Variants in TJP1 observed in about 807,000 individuals in gnomAD.
The protein encoded by TJP1 is tight junction protein ZO-1.
TJP1 carries 43 observed loss-of-function variants against 194.2 expected under a neutral mutation model. The ratio of observed to expected loss-of-function variants is 0.22; its 90% confidence interval spans 0.17 to 0.29. The LOEUF (loss-of-function observed/expected upper bound fraction) is 0.29, where lower values mean the gene tolerates loss of function less well. Among genes scored for constraint, TJP1 ranks in the 10% least tolerant of loss-of-function variants. The pLI is 1.00. For synonymous variants in TJP1, 801 were observed against 779.0 expected (o/e 1.03, Z -0.47); for missense variants, 1,971 against 2,185.7 (o/e 0.90, Z 1.96).
chr15:29,753,483 C>CAAAAAAAA (rs34221786), intron 8 of TJP1, among the ~76,000 whole-genome samples: 2 of 47,938 alleles, frequency 4.2e-5, no homozygotes, highest in South Asian at 1.6e-3. Flanking sequence ...GACTCTGTGT[C>CAAAAAAAA]AAAAAAAAAA....
At chr15:29,772,590 T>C (rs2046762344) in intron 3 of TJP1, among the ~76,000 whole-genome samples, 1 of 152,206 alleles carries the variant, frequency 6.6e-6, no homozygotes, top group East Asian at 1.9e-4. Flanking sequence ...TGTGTTTCTC[T>C]TTATCTTACT....
At chr15:29,787,098 C>T (rs933822846) in intron 2 of TJP1, among the ~76,000 whole-genome samples, 8 of 152,102 alleles carry the variant, frequency 5.3e-5, no homozygotes, top group Non-Finnish European at 1.0e-4. Context: ...GCTGCTTGAC[C>T]GATAAAATTC....
At chr15:29,866,999 C>T (rs571647978) in intron 2 of TJP1, among the ~76,000 whole-genome samples, 1 of 152,184 alleles carries the variant, frequency 6.6e-6, no homozygotes, top group Non-Finnish European at 1.5e-5. Context: ...GTTTCATTCA[C>T]GTGGGTACTC....
chr15:29,822,240 G>A lies in TJP1; in HGVS notation c.-212C>T, dbSNP rs1026976156. 12 of 1,174,370 alleles carry A rather than the reference G, an allele frequency of 1.0e-5. No homozygotes were observed. In the South Asian group the frequency reaches 4.8e-4, roughly 47 times the overall value. The allele number at this position is 1,174,370 out of a possible 1,614,324, so 72.7% of individuals were successfully genotyped here. A position where few individuals can be genotyped will look rare whatever the true frequency, so the allele number is the denominator to read the frequency against. On this transcript the variant is annotated 5_prime_UTR_variant, in exon 1 of 28. Transcript: ENST00000614355. ...CGCCCCGCCCGGGTCTTCTCCACGG[G>A]GCGCGCCCGACCGGCACCTCCCTCC...
At chr15:29,853,447 GCTAATATCCTGGTTATC>G (rs778506084) in intron 2 of TJP1, among the ~76,000 whole-genome samples, 3 of 152,176 alleles carry the variant, frequency 2.0e-5, no homozygotes, top group Admixed American at 6.5e-5. Flanking sequence ...TAACATCAAT[GCTAATATCCTGGTTATC>G]CTTCTATAAA....
intron 11 of TJP1, among the ~76,000 whole-genome samples, chr15:29,735,588 G>GAAA (rs79594334): frequency 1.9e-4 from 17 of 91,672 alleles, no homozygotes; most frequent in African/African-American, 5.2e-4. Context: ...CTGTCTCAAG[G>GAAA]AAAAAAAAAA....
At chr15:29,878,568 C>T (rs2052800020) in intron 2 of TJP1, among the ~76,000 whole-genome samples, 1 of 151,954 alleles carries the variant, frequency 6.6e-6, no homozygotes, top group Non-Finnish European at 1.5e-5. Context: ...TGACAACAAT[C>T]TGTTCTTAGA....
chr15:29,892,101 T>C (rs2053330427), intron 2 of TJP1, among the ~76,000 whole-genome samples: 1 of 152,212 alleles, frequency 6.6e-6, no homozygotes, highest in Non-Finnish European at 1.5e-5. Flanking sequence ...AGTGAACACA[T>C]GAATGATAAG....
At chr15:29,936,698 C>T (rs1377057747) in intron 2 of TJP1, among the ~76,000 whole-genome samples, 1 of 152,146 alleles carries the variant, frequency 6.6e-6, no homozygotes, top group African/African-American at 2.4e-5. Context: ...GGGTACAAAC[C>T]TTATCTCAAT....
intron 23 of TJP1, among the ~76,000 whole-genome samples, chr15:29,712,979 A>G (rs2042331819): frequency 1.3e-5 from 2 of 152,168 alleles, no homozygotes; most frequent in African/African-American, 2.4e-5. Flanking sequence ...CTTTCTAGCA[A>G]GACCTCCTCC....
intron 2 of TJP1, among the ~76,000 whole-genome samples, chr15:29,785,746 G>T (rs2151766126): frequency 6.6e-6 from 1 of 152,116 alleles, no homozygotes; most frequent in South Asian, 2.1e-4. Context: ...GAATTTCAAT[G>T]AACATTCAAT....
intron 2 of TJP1, among the ~76,000 whole-genome samples, chr15:29,852,687 T>C (rs1315497316): frequency 9.9e-5 from 15 of 152,110 alleles, no homozygotes; most frequent in African/African-American, 3.4e-4. Context: ...GGTGGGCGGA[T>C]CACCTGAGGT....
At chr15:29,809,467 G>A (rs149967223) in intron 1 of TJP1, among the ~76,000 whole-genome samples, 245 of 152,172 alleles carry the variant, frequency 1.6e-3, no homozygotes, top group African/African-American at 5.4e-3. Context: ...ACAGAAATGG[G>A]GGACCTCATA....
At chr15:29,795,306 C>G (rs2048334280) in intron 2 of TJP1, among the ~76,000 whole-genome samples, 1 of 151,678 alleles carries the variant, frequency 6.6e-6, no homozygotes, top group Non-Finnish European at 1.5e-5. Flanking sequence ...GCTTACAGTC[C>G]CAGCTACTCG....
intron 18 of TJP1, among the ~76,000 whole-genome samples, chr15:29,721,368 C>T (rs1730374820): frequency 6.6e-6 from 1 of 152,082 alleles, no homozygotes; most frequent in Non-Finnish European, 1.5e-5. Flanking sequence ...TTTAAGTGTG[C>T]AGCACCTCCC....
intron 1 of TJP1, among the ~76,000 whole-genome samples, chr15:29,958,439 C>A (rs767916811): frequency 3.9e-5 from 6 of 151,998 alleles, no homozygotes; most frequent in Non-Finnish European, 7.4e-5. Flanking sequence ...ATGTTTAGAT[C>A]TATTCCTGCC....
intron 8 of TJP1, among the ~76,000 whole-genome samples, chr15:29,755,285 A>C (rs547695895): frequency 6.6e-6 from 1 of 152,298 alleles, no homozygotes; most frequent in South Asian, 2.1e-4. Flanking sequence ...ACAAGGATGC[A>C]TTTCTCAGAA....
At chr15:29,869,493 G>C (rs538724419) in intron 2 of TJP1, among the ~76,000 whole-genome samples, 1 of 152,114 alleles carries the variant, frequency 6.6e-6, no homozygotes, top group Non-Finnish European at 1.5e-5. Flanking sequence ...CAATCCCTGA[G>C]CCACAAATAA....
intron 2 of TJP1, among the ~76,000 whole-genome samples, chr15:29,901,807 C>T (rs1015677932): frequency 2.8e-5 from 4 of 142,314 alleles, no homozygotes; most frequent in South Asian, 2.3e-4. Flanking sequence ...GGCAACAGAG[C>T]GAGACTCTAT....
Sources: allele counts gnomAD v4.1 joint callset (sites outside exome capture counted in the v4.1 genomes callset), GRCh38; gene constraint gnomAD v4.1.1; transcripts MANE v1.5; gene names NCBI Gene and HGNC (gene_info 2026-07-23, HGNC 2026-07-21).